Variants in DGKB observed in about 807,000 individuals in gnomAD.
The protein encoded by DGKB is diacylglycerol kinase beta, also known as 90 kDa diacylglycerol kinase.
In DGKB, 67 loss-of-function variants were observed where a neutral mutation model predicts 114.3. The ratio of observed to expected loss-of-function variants is 0.59; its 90% CI spans 0.48 to 0.72. The LOEUF (loss-of-function observed/expected upper bound fraction) is 0.72. Among genes scored for constraint, DGKB ranks in the 30% least tolerant of loss-of-function variants. The probability of loss-of-function intolerance (pLI) is 0.00; values close to 1 mark genes in which losing one functional copy is unlikely to be tolerated. For synonymous variants in DGKB, 398 were observed against 323.1 expected, an observed-to-expected ratio of 1.23 and a Z score of -2.49; for missense variants, 907 against 975.2, an observed-to-expected ratio of 0.93 and a Z score of 0.93.
intron 23 of DGKB, among the ~76,000 whole-genome samples, chr7:14,281,202 G>T (rs1028057502): frequency 6.6e-6 from 1 of 151,626 alleles, no homozygotes; most frequent in East Asian, 2.0e-4. Flanking sequence ...ACAGGCAGGG[G>T]TTGCAATCCT....
At chr7:14,726,949 G>A (rs1213102861) in intron 5 of DGKB, among the ~76,000 whole-genome samples, 1 of 152,196 alleles carries the variant, frequency 6.6e-6, no homozygotes, top group African/African-American at 2.4e-5. Context: ...CAAAGCAAGT[G>A]TCCAACACCA....
intron 23 of DGKB, among the ~76,000 whole-genome samples, chr7:14,189,406 T>G (rs932661939): frequency 6.6e-6 from 1 of 151,936 alleles, no homozygotes; most frequent in Non-Finnish European, 1.5e-5. Flanking sequence ...AATAATGTAC[T>G]GCAGACAATC....
chr7:14,270,178 A>G lies in DGKB; in HGVS notation c.2122+68337T>C, dbSNP rs539351307. ...AAAGTAAAATTGTCAAAAGTGATGC[A>G]GTTCTAGCCTTAGGTTACTCAGTTT... is the stretch of plus-strand genomic sequence containing the variant. On this transcript the variant is annotated intron_variant, in intron 23 of 25. Transcript: ENST00000402815. Among the ~76,000 whole-genome samples the G allele has an allele frequency of 1.4e-4, 21 of 152,060 alleles. 1 individual carries two copies. The South Asian group carries it at 4.2e-3, about 30-fold the overall frequency.
At chr7:14,521,784 TG>T in intron 20 of DGKB, among the ~76,000 whole-genome samples, 1 of 152,326 alleles carries the variant, frequency 6.6e-6, no homozygotes, top group South Asian at 2.1e-4. Flanking sequence ...TGACTGCTTT[TG>T]TTCCTCAGTA....
At chr7:14,804,761 T>C (rs2128059741) in intron 2 of DGKB, among the ~76,000 whole-genome samples, 1 of 152,182 alleles carries the variant, frequency 6.6e-6, no homozygotes, top group Non-Finnish European at 1.5e-5. Context: ...AATCCACTAA[T>C]CTCTTTGATT....
chr7:14,785,768 C>T (rs2128496061), intron 2 of DGKB, among the ~76,000 whole-genome samples: 1 of 152,144 alleles, frequency 6.6e-6, no homozygotes, highest in Middle Eastern at 3.4e-3. Flanking sequence ...GCCATGAGAG[C>T]CATTATTTCT....
chr7:14,505,411 G>A (rs1321237295), intron 20 of DGKB, among the ~76,000 whole-genome samples: 1 of 151,304 alleles, frequency 6.6e-6, no homozygotes, highest in Non-Finnish European at 1.5e-5. Context: ...CAGAGATTGT[G>A]CCACTGCAGC....
chr7:14,208,454 G>C (rs569919362), intron 23 of DGKB, among the ~76,000 whole-genome samples: 55 of 152,054 alleles, frequency 3.6e-4, no homozygotes, highest in African/African-American at 1.3e-3. Flanking sequence ...GGATTAATGG[G>C]GGTTCAACTT....
At chr7:14,955,839 T>C (rs144697171) in intron 1 of DGKB, among the ~76,000 whole-genome samples, 1 of 152,128 alleles carries the variant, frequency 6.6e-6, no homozygotes, top group Non-Finnish European at 1.5e-5. Context: ...GTAATTCTTG[T>C]TACAAATAAT....
chr7:14,459,206 G>C lies in DGKB; in HGVS notation c.1835+18955C>G, dbSNP rs376423575. 1.1e-3 allele frequency among the ~76,000 whole-genome samples: 165 copies of C among 152,238 alleles called. 6 individuals carry two copies. The South Asian group carries it at 0.032, about 30-fold the overall frequency. On this transcript the variant is annotated intron_variant, in intron 21 of 25. Coordinates refer to ENST00000402815, the MANE Select transcript of DGKB (RefSeq NM_001350709.2). The stretch of plus-strand genomic sequence containing the variant: ...GAAAGAAAGGCAGCAGCCCTAGTCA[G>C]AGGCTTGTAGATAAAACTCCAATCT...
chr7:14,252,735 A>G (rs944005591), intron 23 of DGKB, among the ~76,000 whole-genome samples: 3 of 152,000 alleles, frequency 2.0e-5, no homozygotes, highest in Non-Finnish European at 4.4e-5. Flanking sequence ...GTTTAACTGG[A>G]GCTTGGGTAC....
chr7:14,579,325 C>T (rs750919360), intron 19 of DGKB, among the ~76,000 whole-genome samples: 16 of 152,200 alleles, frequency 1.1e-4, no homozygotes, highest in Non-Finnish European at 2.1e-4. Context: ...ACAGTCCTTG[C>T]CTTTGTCCAT....
chr7:14,702,856 T>C (rs1033731635), intron 6 of DGKB, among the ~76,000 whole-genome samples: 1 of 152,206 alleles, frequency 6.6e-6, no homozygotes, highest in Non-Finnish European at 1.5e-5. Context: ...ATAATTAGTC[T>C]ATATATTGCT....
Position 14,743,296 on chromosome 7 carries a change from T to G in DGKB, c.169-7102A>C, listed in dbSNP as rs533018979. 2.0e-5 allele frequency among the ~76,000 whole-genome samples: 3 copies of G among 152,296 alleles called. No individual in the cohort carries two copies. The South Asian group carries it at 6.2e-4, about 32-fold the overall frequency. On this transcript the variant is annotated intron_variant, in intron 4 of 25. Coordinates refer to ENST00000402815, the MANE Select transcript of DGKB (RefSeq NM_001350709.2). ...ATTTTCATGTGCCTTGTAAATAGAC[T>G]GCCAAGGAAAAGAAAGAGAAGACAG...
At chr7:14,323,377 C>T (rs994104967) in intron 23 of DGKB, among the ~76,000 whole-genome samples, 19 of 152,010 alleles carry the variant, frequency 1.2e-4, no homozygotes, top group African/African-American at 2.2e-4. Flanking sequence ...AATTCATTGA[C>T]GGTACATATA....
At chr7:14,460,717 G>A (rs1457081830) in intron 21 of DGKB, among the ~76,000 whole-genome samples, 2 of 151,982 alleles carry the variant, frequency 1.3e-5, no homozygotes, top group East Asian at 1.9e-4. Flanking sequence ...ATTAACAAGA[G>A]TATTCAGGAC....
chr7:14,445,076 C>A (rs910677964), intron 21 of DGKB, among the ~76,000 whole-genome samples: 2 of 151,832 alleles, frequency 1.3e-5, no homozygotes, highest in Non-Finnish European at 2.9e-5. Flanking sequence ...ATTGTTCCCA[C>A]CTCGGTCACT....
At chr7:14,742,213 T>A (rs1832681065) in intron 4 of DGKB, among the ~76,000 whole-genome samples, 1 of 152,206 alleles carries the variant, frequency 6.6e-6, no homozygotes, top group Non-Finnish European at 1.5e-5. Flanking sequence ...TTAGGTACTG[T>A]TACCTCTGTT....
chr7:14,822,061 G>A (rs1586730691), intron 2 of DGKB, among the ~76,000 whole-genome samples: 2 of 152,264 alleles, frequency 1.3e-5, no homozygotes, highest in East Asian at 3.9e-4. Context: ...GCCTAAGGGA[G>A]AGACAGAGAT....
Sources: allele counts gnomAD v4.1 joint callset (sites outside exome capture counted in the v4.1 genomes callset), GRCh38; gene constraint gnomAD v4.1.1; transcripts MANE v1.5; gene names NCBI Gene and HGNC (gene_info 2026-07-23, HGNC 2026-07-21).